TRPM3: variants seen among roughly 807,000 people sequenced by gnomAD.
TRPM3 encodes the protein transient receptor potential cation channel subfamily M member 3.
In TRPM3, 77 loss-of-function variants were observed where a neutral mutation model predicts 181.2. That is an observed-to-expected ratio of 0.42 (90% CI 0.35 to 0.51). The LOEUF is 0.51. Among genes scored for constraint, TRPM3 ranks in the 20% least tolerant of loss-of-function variants. The pLI is 0.01. For synonymous variants in TRPM3, 745 were observed against 796.4 expected (o/e 0.94, Z 1.09); for missense variants, 1,759 against 2,196.7 (o/e 0.80, Z 3.98).
Position 70,777,812 on chromosome 9 carries a change from GTGAT to G in TRPM3, c.1148+6289_1148+6292del, listed in dbSNP as rs542499109. On this transcript the variant is annotated intron_variant, in intron 7 of 25. Transcript: ENST00000677713. ...AAACAAGCATTCAAAAAATACCTAA[GTGAT>G]TGATTGATTTGAAAAGTTATATTAT... Among the ~76,000 whole-genome samples the G allele has an allele frequency of 3.0e-3, 452 of 152,098 alleles. 2 individuals are homozygous for G. The highest frequency in any genetic ancestry group is 9.8e-3 in the African/African-American group (408 of 41,496).
intron 3 of TRPM3, among the ~76,000 whole-genome samples, chr9:70,855,123 C>T (rs542107519): frequency 2.2e-4 from 33 of 152,236 alleles, no homozygotes; most frequent in African/African-American, 7.5e-4. Flanking sequence ...ACTGCTTTAT[C>T]ATTAGAAATG....
intron 1 of TRPM3, among the ~76,000 whole-genome samples, chr9:70,877,934 G>T (rs2095900306): frequency 6.6e-6 from 1 of 151,816 alleles, no homozygotes; most frequent in Non-Finnish European, 1.5e-5. Flanking sequence ...TATTGTACTA[G>T]TTGGATCCCC....
chr9:71,195,411 T>A (rs181567349), intron 1 of TRPM3, among the ~76,000 whole-genome samples: 1 of 152,000 alleles, frequency 6.6e-6, no homozygotes, highest in East Asian at 1.9e-4. Flanking sequence ...CACTGTAAGA[T>A]AGCATCTCAT....
intron 1 of TRPM3, among the ~76,000 whole-genome samples, chr9:71,397,475 A>G (rs912759127): frequency 3.9e-4 from 60 of 152,212 alleles, no homozygotes; most frequent in African/African-American, 1.4e-3. Flanking sequence ...TGAATGTTAT[A>G]TACAACATCA....
intron 7 of TRPM3, among the ~76,000 whole-genome samples, chr9:70,771,865 T>C (rs7875827): frequency 0.21 from 32,095 of 152,054 alleles, 3,478 homozygotes; most frequent in South Asian, 0.29. Context: ...ATAATGTGTT[T>C]ATGGATTGTG....
chr9:71,015,517 T>C (rs961827155), intron 1 of TRPM3, among the ~76,000 whole-genome samples: 3 of 152,202 alleles, frequency 2.0e-5, no homozygotes, highest in South Asian at 2.1e-4. Flanking sequence ...TCAGTCTACA[T>C]TGATCTAAGA....
intron 7 of TRPM3, among the ~76,000 whole-genome samples, chr9:70,781,015 A>C (rs1014706026): frequency 1.3e-5 from 2 of 152,094 alleles, no homozygotes; most frequent in African/African-American, 2.4e-5. Context: ...AAAAACTGCT[A>C]ATTAAAGTTA....
At chr9:70,922,331 T>C (rs2096666054) in intron 1 of TRPM3, among the ~76,000 whole-genome samples, 3 of 152,176 alleles carry the variant, frequency 2.0e-5, no homozygotes, top group African/African-American at 7.2e-5. Flanking sequence ...TTCCCATGCA[T>C]TATGTCATTA....
chr9:71,433,233 T>C (rs1401994187), intron 1 of TRPM3, among the ~76,000 whole-genome samples: 2 of 152,192 alleles, frequency 1.3e-5, no homozygotes, highest in East Asian at 1.9e-4. Context: ...CCATCTTGAA[T>C]TGTAGTTCCC....
At chr9:71,088,533 A>G (rs1001849802) in intron 1 of TRPM3, among the ~76,000 whole-genome samples, 3 of 152,142 alleles carry the variant, frequency 2.0e-5, no homozygotes, top group African/African-American at 7.2e-5. Context: ...ATTTCCAAAT[A>G]TACATATGCT....
intron 9 of TRPM3, among the ~76,000 whole-genome samples, chr9:70,659,884 A>G (rs188684228): frequency 1.3e-5 from 2 of 152,352 alleles, no homozygotes; most frequent in Non-Finnish European, 2.9e-5. Context: ...TACATACATA[A>G]GCCACTTTCA....
At chr9:70,796,311 A>G (rs1026437358) in intron 6 of TRPM3, among the ~76,000 whole-genome samples, 1 of 152,206 alleles carries the variant, frequency 6.6e-6, no homozygotes, top group Admixed American at 6.5e-5. Flanking sequence ...GCTAGGCAGG[A>G]AGGTGGATGG....
chr9:70,990,558 G>C (rs1383371561), intron 1 of TRPM3, among the ~76,000 whole-genome samples: 1 of 152,038 alleles, frequency 6.6e-6, no homozygotes, highest in Admixed American at 6.6e-5. Flanking sequence ...AAACACCCTG[G>C]GTTTGAAATG....
At chr9:70,573,372 A>G (rs552304899) in intron 22 of TRPM3, among the ~76,000 whole-genome samples, 2 of 152,384 alleles carry the variant, frequency 1.3e-5, no homozygotes, top group Admixed American at 1.3e-4. Flanking sequence ...CATTAAAAAC[A>G]TGCAAAAATT....
chr9:71,435,636 TAAC>T, intron 1 of TRPM3, among the ~76,000 whole-genome samples: 1 of 152,190 alleles, frequency 6.6e-6, no homozygotes, highest in Non-Finnish European at 1.5e-5. Flanking sequence ...ACCATCTCCA[TAAC>T]ATTTTCTAGT....
At chr9:71,128,014 C>T (rs936929836) in intron 1 of TRPM3, among the ~76,000 whole-genome samples, 1 of 152,184 alleles carries the variant, frequency 6.6e-6, no homozygotes, top group East Asian at 1.9e-4. Flanking sequence ...TCATATGTGC[C>T]ACCCTTCCCA....
intron 1 of TRPM3, among the ~76,000 whole-genome samples, chr9:70,947,312 T>C (rs1053857924): frequency 6.6e-6 from 1 of 152,190 alleles, no homozygotes; most frequent in Non-Finnish European, 1.5e-5. Flanking sequence ...TACTTGGATG[T>C]CTTCTTCTGT....
At chr9:70,947,345 GGTTTTTCT>G (rs1296718135) in intron 1 of TRPM3, among the ~76,000 whole-genome samples, 1 of 152,102 alleles carries the variant, frequency 6.6e-6, no homozygotes, top group Non-Finnish European at 1.5e-5. Flanking sequence ...TTAAAACTTA[GGTTTTTCT>G]AGGTCAAAGC....
chr9:71,437,972 T>C (rs1458376437), intron 1 of TRPM3, among the ~76,000 whole-genome samples: 1 of 151,668 alleles, frequency 6.6e-6, no homozygotes, highest in Non-Finnish European at 1.5e-5. Context: ...TGGTGGCTAA[T>C]ACCCAAAAAT....
Sources: gnomAD v4.1 joint callset for allele counts (sites outside exome capture counted in the v4.1 genomes callset) on GRCh38, gnomAD v4.1.1 for gene constraint, MANE v1.5 for transcripts, NCBI Gene and HGNC (gene_info 2026-07-23, HGNC 2026-07-21) for gene names.